DNAL1: variants seen among roughly 807,000 people sequenced by gnomAD.
The protein encoded by DNAL1 is dynein axonemal light chain 1.
In DNAL1, 17 loss-of-function variants were observed where a neutral mutation model predicts 29.4. The observed-to-expected ratio is 0.58, with a 90% CI of 0.40 to 0.87. The LOEUF (loss-of-function observed/expected upper bound fraction) is 0.87, where lower values mean the gene tolerates loss of function less well. Among genes scored for constraint, DNAL1 ranks in the 40% least tolerant of loss-of-function variants. DNAL1 has a pLI of 0.00. For synonymous variants in DNAL1, 78 were observed against 76.3 expected, an observed-to-expected ratio of 1.02 and a Z score of -0.12; for missense variants, 188 against 214.1, an observed-to-expected ratio of 0.88 and a Z score of 0.76.
chr14:73,672,362 T>C (rs1377658185), intron 5 of DNAL1, among the ~76,000 whole-genome samples: 1 of 151,854 alleles, frequency 6.6e-6, no homozygotes, highest in Non-Finnish European at 1.5e-5. Flanking sequence ...TCCCAGCACT[T>C]TGGGAGGCCG....
intron 4 of DNAL1, among the ~76,000 whole-genome samples, chr14:73,670,943 A>G (rs1891603771): frequency 6.6e-6 from 1 of 151,800 alleles, no homozygotes; most frequent in East Asian, 1.9e-4. Flanking sequence ...TCACCGTGTT[A>G]GCCAGGATGG....
intron 1 of DNAL1, among the ~76,000 whole-genome samples, chr14:73,650,752 A>C (rs1236615116): frequency 1.3e-5 from 2 of 152,240 alleles, no homozygotes; most frequent in Non-Finnish European, 2.9e-5. Context: ...CTGGGATTAC[A>C]GGTGTGAGCC....
chr14:73,672,759 AT>A (rs376650794), intron 5 of DNAL1, among the ~76,000 whole-genome samples: 103 of 141,920 alleles, frequency 7.3e-4, no homozygotes, highest in Middle Eastern at 3.6e-3. Flanking sequence ...TAAAAATTTG[AT>A]TTTTTTTTTT....
intron 5 of DNAL1, among the ~76,000 whole-genome samples, chr14:73,676,692 T>C (rs1891740167): frequency 6.6e-6 from 1 of 151,616 alleles, no homozygotes; most frequent in African/African-American, 2.4e-5. Context: ...GGAGTGTGGG[T>C]TTTCTCTCTC....
In DNAL1 at chr14:73,697,422, G is replaced by A. The variant is rs1892325458; in HGVS notation, c.*1480G>A. On this transcript the variant is annotated 3_prime_UTR_variant, in exon 8 of 8. Transcript: ENST00000553645. ...TTTCTAAGTTACTCTGATCAAAAGG[G>A]ACCACTGCTTTGACAATCAACTCTA... 1.3e-5 allele frequency: 2 copies of A among 152,038 alleles called. No individual in the cohort carries two copies. The highest frequency in any genetic ancestry group is 2.9e-5 in the Non-Finnish European group (2 of 68,016). The allele number at this position is 152,038 out of a possible 1,614,324, so 9.4% of individuals were successfully genotyped here. A position where few individuals can be genotyped will look rare whatever the true frequency, so the allele number is the denominator to read the frequency against.
Position 73,671,400 on chromosome 14 carries a change from C to G in DNAL1, c.209-142C>G, listed in dbSNP as rs962866357. The G allele has an allele frequency of 8.8e-5, 80 of 910,068 alleles. No homozygotes were observed. In the African/African-American group the frequency reaches 1.3e-3, roughly 14 times the overall value. 56.4% of individuals were successfully genotyped at this position (910,068 alleles called of 1,614,324 possible). ...TCAATGTTATTTCTACTTGATTACCCATTTTTGTTAACACAACCTTTCTTA... is the reference window on the plus strand; with the variant it reads ...TCAATGTTATTTCTACTTGATTACCGATTTTTGTTAACACAACCTTTCTTA... On this transcript the variant is annotated intron_variant, in intron 4 of 7. Coordinates refer to ENST00000553645, the MANE Select transcript of DNAL1 (RefSeq NM_031427.4).
chr14:73,673,676 C>T (rs1047897693), intron 5 of DNAL1, among the ~76,000 whole-genome samples: 1 of 151,854 alleles, frequency 6.6e-6, no homozygotes, highest in African/African-American at 2.4e-5. Context: ...TGGGAGGATC[C>T]CTTGAGGCCA....
At chr14:73,650,108 T>C (rs114693359) in intron 1 of DNAL1, among the ~76,000 whole-genome samples, 1 of 152,058 alleles carries the variant, frequency 6.6e-6, no homozygotes, top group African/African-American at 2.4e-5. Flanking sequence ...CTCAGCCTCC[T>C]GAGTACCTAG....
chr14:73,654,890 G>C lies in DNAL1; in HGVS notation c.42+5G>C. The C allele has an allele frequency of 6.5e-6, 10 of 1,541,664 alleles. No individual in the cohort carries two copies. Among genetic ancestry groups the C allele is most frequent in the Non-Finnish European group, 8.7e-6 (10 of 1,144,290 alleles). ...AAAGAAGCCTTAGCGAGATGGGTGA[G>C]TACATGAGTTTTTCCTTCTTTTAGA... On this transcript the variant is annotated splice_donor_5th_base_variant and intron_variant, in intron 2 of 7. Transcript: ENST00000553645.
rs1336385229 is a variant in DNAL1, at chr14:73,696,793, T to C, written c.*851T>C. ...TCCTAGACTAAATGCTGGCCATTGA[T>C]GTATGTCAAAATTTACCCTAATTAT... On this transcript the variant is annotated 3_prime_UTR_variant, in exon 8 of 8. Transcript: ENST00000553645. 6.6e-6 allele frequency: 1 copy of C among 152,240 alleles called. No homozygotes were observed. The highest frequency in any genetic ancestry group is 1.5e-5 in the Non-Finnish European group (1 of 68,032). The allele number at this position is 152,240 out of a possible 1,614,324, so 9.4% of individuals were successfully genotyped here.
At chr14:73,669,806 T>C (rs1006203024) in intron 4 of DNAL1, among the ~76,000 whole-genome samples, 1 of 152,140 alleles carries the variant, frequency 6.6e-6, no homozygotes, top group African/African-American at 2.4e-5. Context: ...AAGATATGAA[T>C]TTTCCGGGGG....
At chr14:73,653,436 C>T (rs752492844) in intron 1 of DNAL1, among the ~76,000 whole-genome samples, 10 of 152,032 alleles carry the variant, frequency 6.6e-5, no homozygotes, top group African/African-American at 1.4e-4. Flanking sequence ...ACTGTAACCT[C>T]GAACTCTTGG....
At position 73,701,229 on chromosome 14, in the gene DNAL1, A is replaced by G. The variant is rs886050710; in HGVS notation, c.*5287A>G. The G allele has an allele frequency of 2.0e-5, 3 of 152,230 alleles. No homozygotes were observed. Among genetic ancestry groups the G allele is most frequent in the Admixed American group, 6.5e-5 (1 of 15,276 alleles). 9.4% of individuals were successfully genotyped at this position (152,230 alleles called of 1,614,324 possible). ...TTTAACATAGGGGAAGAGGGATAGT[A>G]AACTATTTTTCAGTAGATTTGCACT... is the stretch of plus-strand genomic sequence containing the variant. On this transcript the variant is annotated 3_prime_UTR_variant, in exon 8 of 8. Coordinates refer to ENST00000553645, the MANE Select transcript of DNAL1 (RefSeq NM_031427.4).
intron 5 of DNAL1, among the ~76,000 whole-genome samples, chr14:73,680,285 G>T (rs2140051311): frequency 6.6e-6 from 1 of 152,284 alleles, no homozygotes; most frequent in East Asian, 1.9e-4. Context: ...CACTTAGGTT[G>T]TTGCAATCTT....
chr14:73,661,162 TAA>T (rs201248546), intron 3 of DNAL1, among the ~76,000 whole-genome samples: 1 of 150,446 alleles, frequency 6.6e-6, no homozygotes, highest in African/African-American at 2.4e-5. Context: ...AGACTCTGTC[TAA>T]AAAAAAAATA....
intron 1 of DNAL1, among the ~76,000 whole-genome samples, chr14:73,654,591 C>G (rs1891168707): frequency 6.6e-6 from 1 of 152,088 alleles, no homozygotes; most frequent in Non-Finnish European, 1.5e-5. Context: ...AACCCCATCT[C>G]TACTAAAAAT....
Position 73,670,661 on chromosome 14 carries a change from A to G in DNAL1, c.209-881A>G, listed in dbSNP as rs958258258. ...CTTTTTTCTCTTCCAGAAATAGCCT[A>G]TAGATATACAAATAGAAATAACCTT... On this transcript the variant is annotated intron_variant, in intron 4 of 7. Coordinates refer to ENST00000553645, the MANE Select transcript of DNAL1 (RefSeq NM_031427.4). Among the ~76,000 whole-genome samples, 5 of 151,928 alleles carry G rather than the reference A, an allele frequency of 3.3e-5. No individual in the cohort carries two copies. The South Asian group carries it at 8.3e-4, about 25-fold the overall frequency.
rs10547955 is a variant in DNAL1 at position 73,659,161 on chromosome 14, A to ATTT, written c.152+221_152+223dup. 1.8e-4 allele frequency among the ~76,000 whole-genome samples: 25 copies of ATTT among 140,852 alleles called. 1 individual carries two copies. Among genetic ancestry groups the ATTT allele is most frequent in the African/African-American group, 6.1e-4 (23 of 37,596 alleles). 92.4% of individuals were successfully genotyped at this position (140,852 alleles called of 152,430 possible). ...AGAAAATATTGAACAGTATAGTACA[A>ATTT]TTTTTTTTTTTTTTTTTTGAGATGG... On this transcript the variant is annotated intron_variant, in intron 3 of 7. Coordinates refer to ENST00000553645, the MANE Select transcript of DNAL1 (RefSeq NM_031427.4).
At chr14:73,676,761 A>G (rs62004925) in intron 5 of DNAL1, among the ~76,000 whole-genome samples, 4,181 of 151,872 alleles carry the variant, frequency 0.028, 86 homozygotes, top group Middle Eastern at 0.1. Context: ...CTTTGCACAC[A>G]TGTCCCTCAG....
Sources: allele counts gnomAD v4.1 joint callset (sites outside exome capture counted in the v4.1 genomes callset), GRCh38; gene constraint gnomAD v4.1.1; transcripts MANE v1.5; gene names NCBI Gene and HGNC (gene_info 2026-07-23, HGNC 2026-07-21).